The following CAPN13 variants were observed in gnomAD, a reference collection of about 807,000 sequenced individuals.
The protein encoded by CAPN13 is calpain 13.
In CAPN13, 90 loss-of-function variants were observed where a neutral mutation model predicts 98.4. The observed-to-expected ratio is 0.92, with a 90% CI of 0.77 to 1.09. The LOEUF (loss-of-function observed/expected upper bound fraction) is 1.09. Among genes scored for constraint, CAPN13 ranks in the 50% least tolerant of loss-of-function variants. The pLI is 0.00. For missense variants in CAPN13, 887 were observed against 841.3 expected (o/e 1.05, Z -0.67); for synonymous variants, 330 against 305.5 (o/e 1.08, Z -0.84).
chr2:30,796,170 G>A (rs957332989), intron 1 of CAPN13, among the ~76,000 whole-genome samples: 3 of 140,888 alleles, frequency 2.1e-5, no homozygotes, highest in South Asian at 2.1e-4. Context: ...ATATATATGT[G>A]TGTATATATA....
chr2:30,744,669 G>A (rs1671819731), intron 12 of CAPN13, among the ~76,000 whole-genome samples: 1 of 152,136 alleles, frequency 6.6e-6, no homozygotes, highest in African/African-American at 2.4e-5. Context: ...CCCTGTCCAG[G>A]CTCCTGATCC....
chr2:30,787,217 C>T lies in CAPN13; in HGVS notation c.109G>A (p.Asp37Asn). The T allele has an allele frequency of 6.2e-7, 1 of 1,609,542 alleles. No individual in the cohort carries two copies. Among genetic ancestry groups the T allele is most frequent in the Non-Finnish European group, 8.5e-7 (1 of 1,178,124 alleles). ...HCLSMGRTFK[D>N]ETFPAADSSI... ...GAATCTGCTGCAGGGAATGTCTCAT[C>T]CTTAAACGTCCGGCCCATGCTCAGG... is the stretch of plus-strand genomic sequence containing the variant. The change falls in exon 2 of 23, where the codon GAT becomes AAT. Residue 37 changes from aspartate to asparagine, a missense_variant. By Grantham distance (23) the Asp-to-Asn change is conservative. Transcript: ENST00000295055.
intron 19 of CAPN13, among the ~76,000 whole-genome samples, chr2:30,732,844 A>T (rs1005478221): frequency 3.9e-5 from 6 of 152,102 alleles, no homozygotes; most frequent in Admixed American, 3.9e-4. Context: ...GTAATGGGAG[A>T]GCTGCTGGGA....
intron 18 of CAPN13, among the ~76,000 whole-genome samples, chr2:30,735,636 G>A (rs954148697): frequency 5.3e-5 from 8 of 152,176 alleles, no homozygotes; most frequent in South Asian, 2.1e-4. Flanking sequence ...GCCAGCCGTC[G>A]CAGTGCCCTG....
rs1279438362 is a variant in CAPN13, at chr2:30,723,194, T to C, written c.*73A>G. Reference sequence around the variant, plus strand: ...CACCATACTGGGCAGCACAGCCTCTTAGAATGAGAGCCAGATTCTTGAGTG... The same window carrying C: ...CACCATACTGGGCAGCACAGCCTCTCAGAATGAGAGCCAGATTCTTGAGTG... On this transcript the variant is annotated 3_prime_UTR_variant, in exon 23 of 23. Coordinates refer to ENST00000295055, the MANE Select transcript of CAPN13 (RefSeq NM_144575.3). 1 of 152,308 alleles carries C rather than the reference T, an allele frequency of 6.6e-6. No homozygotes were observed. The highest frequency in any genetic ancestry group is 2.4e-5 in the African/African-American group (1 of 41,466). 9.4% of individuals were successfully genotyped at this position (152,308 alleles called of 1,614,324 possible). A position where few individuals can be genotyped will look rare whatever the true frequency, so the allele number is the denominator to read the frequency against.
At chr2:30,750,555 A>G (rs1672123654) in intron 11 of CAPN13, among the ~76,000 whole-genome samples, 1 of 152,162 alleles carries the variant, frequency 6.6e-6, no homozygotes, top group African/African-American at 2.4e-5. Context: ...CAGCCACCAG[A>G]CGATGACTCG....
chr2:30,732,700 C>T (rs1671168121), intron 19 of CAPN13, 134 bp from the exon 20 acceptor site: 1 of 1,189,708 alleles, frequency 8.4e-7, no homozygotes, highest in African/African-American at 1.6e-5. Flanking sequence ...CCCCTCCCTT[C>T]AGTGTCTTCT....
intron 1 of CAPN13, among the ~76,000 whole-genome samples, chr2:30,801,849 G>T (rs901779291): frequency 1.3e-5 from 2 of 152,130 alleles, no homozygotes; most frequent in East Asian, 3.9e-4. Flanking sequence ...CGCCAGCCCA[G>T]CATTGACGGT....
At chr2:30,758,329 T>C (rs1456320972) in intron 7 of CAPN13, among the ~76,000 whole-genome samples, 192 bp from the exon 8 acceptor site, 1 of 152,162 alleles carries the variant, frequency 6.6e-6, no homozygotes, top group African/African-American at 2.4e-5. Flanking sequence ...TGGAATGAGA[T>C]AGACAAGGAA....
intron 1 of CAPN13, among the ~76,000 whole-genome samples, chr2:30,798,903 G>T (rs1020347798): frequency 6.6e-6 from 1 of 152,184 alleles, no homozygotes; most frequent in Non-Finnish European, 1.5e-5. Flanking sequence ...AAGGGTGGGG[G>T]AAGGGGCCTG....
At chr2:30,759,753 G>A (rs1249028806) in intron 7 of CAPN13, among the ~76,000 whole-genome samples, 1 of 152,152 alleles carries the variant, frequency 6.6e-6, no homozygotes, top group African/African-American at 2.4e-5. Flanking sequence ...CTAAAGTCCG[G>A]GCTCCTAGTT....
intron 3 of CAPN13, 131 bp downstream of exon 3, chr2:30,777,436 G>A (rs1424021663): frequency 2.7e-6 from 2 of 749,590 alleles, no homozygotes; most frequent in Admixed American, 2.1e-5. Context: ...GACTGGGCGT[G>A]AGCAGTTTGT....
At chr2:30,791,487 T>G (rs1674604668) in intron 1 of CAPN13, among the ~76,000 whole-genome samples, 2 of 152,164 alleles carry the variant, frequency 1.3e-5, no homozygotes, top group African/African-American at 4.8e-5. Flanking sequence ...AAATAACAAA[T>G]TATGAGATGA....
chr2:30,764,325 T>A lies in CAPN13; in HGVS notation c.525-19A>T, dbSNP rs1673004760. ...GAGCAGCCTGGGAGGGAATGGGGGA[T>A]GAACCATCGTGGTGCCTTTGGTGAG... On this transcript the variant is annotated intron_variant, in intron 5 of 22. Transcript: ENST00000295055. The A allele has an allele frequency of 1.2e-6, 2 of 1,611,610 alleles. No individual in the cohort carries two copies. Among genetic ancestry groups the A allele is most frequent in the African/African-American group, 2.7e-5 (2 of 75,020 alleles).
intron 6 of CAPN13, among the ~76,000 whole-genome samples, chr2:30,763,740 C>T (rs746163651): frequency 5.3e-5 from 8 of 152,168 alleles, no homozygotes; most frequent in Non-Finnish European, 8.8e-5. Flanking sequence ...TGGGGGGCTC[C>T]GTGTAAACTT....
chr2:30,775,878 T>G, intron 4 of CAPN13, 52 bp downstream of exon 4: 1 of 1,358,922 alleles, frequency 7.4e-7, no homozygotes, highest in Admixed American at 2.0e-5. Flanking sequence ...TCACCTTCCC[T>G]GTACTCACAG....
At chr2:30,767,076 T>C (rs918887317) in intron 5 of CAPN13, among the ~76,000 whole-genome samples, 11 of 152,152 alleles carry the variant, frequency 7.2e-5, no homozygotes, top group Non-Finnish European at 2.9e-5. Flanking sequence ...GCGTCAGGGA[T>C]GGTGGGAAGG....
In CAPN13 at chr2:30,742,496, G is replaced by A. The variant is rs889041621; in HGVS notation, c.1446-137C>T. On this transcript the variant is annotated intron_variant, in intron 13 of 22. Transcript: ENST00000295055. ...GGGCACCCTCAGCACCGCAGGACAC[G>A]AAGTGAGCAGCTACAGCACCGTGGC... 2.4e-5 allele frequency: 21 copies of A among 892,152 alleles called. No individual in the cohort carries two copies. The East Asian group carries it at 2.6e-4, about 11-fold the overall frequency. 55.3% of individuals were successfully genotyped at this position (892,152 alleles called of 1,614,324 possible). A position where few individuals can be genotyped will look rare whatever the true frequency, so the allele number is the denominator to read the frequency against.
intron 1 of CAPN13, among the ~76,000 whole-genome samples, chr2:30,794,581 T>C (rs958229379): frequency 6.6e-6 from 1 of 151,916 alleles, no homozygotes; most frequent in Non-Finnish European, 1.5e-5. Context: ...CATATGTTCA[T>C]ACAAAGACTT....
Sources: gnomAD v4.1 joint callset for allele counts (sites outside exome capture counted in the v4.1 genomes callset) on GRCh38, gnomAD v4.1.1 for gene constraint, MANE v1.5 for transcripts, NCBI Gene and HGNC (gene_info 2026-07-23, HGNC 2026-07-21) for gene names.